Variants in NXPH1 observed in about 807,000 individuals in gnomAD.
NXPH1 encodes neurexophilin-1.
Under a neutral mutation model 23.7 loss-of-function variants are expected in NXPH1, and 5 were observed. The ratio of observed to expected loss-of-function variants is 0.21; its 90% CI spans 0.11 to 0.44. The LOEUF (loss-of-function observed/expected upper bound fraction) is 0.44, where lower values mean the gene tolerates loss of function less well. Among genes scored for constraint, NXPH1 ranks in the 20% least tolerant of loss-of-function variants. The probability of loss-of-function intolerance (pLI) is 0.99; values close to 1 mark genes in which losing one functional copy is unlikely to be tolerated. For synonymous variants in NXPH1, 144 were observed against 122.2 expected, an observed-to-expected ratio of 1.18 and a Z score of -1.18; for missense variants, 324 against 321.6, an observed-to-expected ratio of 1.01 and a Z score of -0.06.
chr7:8,562,390 T>C (rs1320430911), intron 2 of NXPH1, among the ~76,000 whole-genome samples: 2 of 151,740 alleles, frequency 1.3e-5, no homozygotes, highest in African/African-American at 2.4e-5. Flanking sequence ...AGAGATACCT[T>C]ACAAAAGAGA....
chr7:8,475,503 G>A (rs758431042), intron 2 of NXPH1, among the ~76,000 whole-genome samples: 5 of 152,044 alleles, frequency 3.3e-5, no homozygotes, highest in Non-Finnish European at 7.4e-5. Flanking sequence ...AACAACAATA[G>A]CCATGCTGAA....
At chr7:8,564,026 T>A (rs931772350) in intron 2 of NXPH1, among the ~76,000 whole-genome samples, 1 of 151,860 alleles carries the variant, frequency 6.6e-6, no homozygotes, top group Non-Finnish European at 1.5e-5. Flanking sequence ...AAAATGCCTC[T>A]CTCAGTTCCA....
At chr7:8,516,599 G>A (rs1357491303) in intron 2 of NXPH1, among the ~76,000 whole-genome samples, 2 of 152,066 alleles carry the variant, frequency 1.3e-5, no homozygotes, top group African/African-American at 4.8e-5. Flanking sequence ...TTTTGTCCTC[G>A]AGGAACATAC....
At chr7:8,735,425 G>A (rs193131156) in intron 2 of NXPH1, among the ~76,000 whole-genome samples, 1 of 152,268 alleles carries the variant, frequency 6.6e-6, no homozygotes, top group African/African-American at 2.4e-5. Flanking sequence ...TTATGTTTAT[G>A]TACTGTATTA....
chr7:8,504,909 G>C (rs1412977303), intron 2 of NXPH1, among the ~76,000 whole-genome samples: 2 of 151,958 alleles, frequency 1.3e-5, no homozygotes, highest in East Asian at 3.9e-4. Flanking sequence ...CCAACCTCTA[G>C]AACTGTGAAA....
chr7:8,531,493 T>A (rs767839298), intron 2 of NXPH1, among the ~76,000 whole-genome samples: 1 of 152,188 alleles, frequency 6.6e-6, no homozygotes, highest in South Asian at 2.1e-4. Context: ...GAGCACCCTA[T>A]GTAACTAGAA....
chr7:8,438,783 G>A (rs746671433), intron 2 of NXPH1, among the ~76,000 whole-genome samples: 2 of 152,336 alleles, frequency 1.3e-5, no homozygotes, highest in South Asian at 2.1e-4. Context: ...TGTTTGCAAA[G>A]TATGTTTCTG....
chr7:8,630,325 G>GTCTCAC (rs1412702658), intron 2 of NXPH1, among the ~76,000 whole-genome samples: 2 of 152,154 alleles, frequency 1.3e-5, no homozygotes, highest in African/African-American at 4.8e-5. Context: ...ACTGTACAGT[G>GTCTCAC]TTTTATAATG....
intron 2 of NXPH1, among the ~76,000 whole-genome samples, chr7:8,530,867 T>C (rs1817940034): frequency 6.6e-6 from 1 of 152,168 alleles, no homozygotes; most frequent in Admixed American, 6.5e-5. Context: ...TTAATACCAA[T>C]TTATTTGTCT....
At chr7:8,678,301 C>T (rs1287515594) in intron 2 of NXPH1, among the ~76,000 whole-genome samples, 1 of 152,152 alleles carries the variant, frequency 6.6e-6, no homozygotes, top group Non-Finnish European at 1.5e-5. Flanking sequence ...GGTGCTTGGT[C>T]TAATTGCCAT....
chr7:8,501,393 T>C (rs565790067), intron 2 of NXPH1, among the ~76,000 whole-genome samples: 143 of 152,140 alleles, frequency 9.4e-4, no homozygotes, highest in African/African-American at 3.3e-3. Flanking sequence ...ACAGTGATTT[T>C]CATACCCAGC....
rs28612416 is a variant in NXPH1, at chr7:8,563,001, T to A, written c.54+127234T>A. 2.6e-5 allele frequency among the ~76,000 whole-genome samples: 4 copies of A among 151,558 alleles called. No individual in the cohort carries two copies. The South Asian group carries it at 8.3e-4, about 31-fold the overall frequency. On this transcript the variant is annotated intron_variant, in intron 2 of 2. Coordinates refer to ENST00000405863, the MANE Select transcript of NXPH1 (RefSeq NM_152745.3). ...TTTTAGAAATGGCTCCAGTAGATAA[T>A]TAAGTTATGAATTCTAACCTATAAG...
intron 2 of NXPH1, among the ~76,000 whole-genome samples, chr7:8,564,008 G>C (rs950778055): frequency 2.0e-5 from 3 of 151,796 alleles, no homozygotes; most frequent in African/African-American, 7.2e-5. Context: ...TATATGCAAA[G>C]AACAGGCAAA....
At chr7:8,614,048 ATTTG>A (rs1056806537) in intron 2 of NXPH1, among the ~76,000 whole-genome samples, 1 of 151,732 alleles carries the variant, frequency 6.6e-6, no homozygotes, top group African/African-American at 2.4e-5. Flanking sequence ...ACTATTTCTG[ATTTG>A]TTTTACTTTA....
At chr7:8,491,428 G>A (rs898884654) in intron 2 of NXPH1, among the ~76,000 whole-genome samples, 5 of 151,972 alleles carry the variant, frequency 3.3e-5, no homozygotes, top group African/African-American at 1.2e-4. Context: ...AAGAAATGAA[G>A]GAAATCAAGA....
chr7:8,700,470 T>C (rs1205806767), intron 2 of NXPH1, among the ~76,000 whole-genome samples: 1 of 152,146 alleles, frequency 6.6e-6, no homozygotes, highest in Non-Finnish European at 1.5e-5. Flanking sequence ...ATAAGTTCTG[T>C]CATAAATGCT....
chr7:8,479,639 A>G (rs1817038197), intron 2 of NXPH1, among the ~76,000 whole-genome samples: 1 of 152,184 alleles, frequency 6.6e-6, no homozygotes, highest in Non-Finnish European at 1.5e-5. Context: ...CAGGACTTAG[A>G]GAAATGACTA....
In NXPH1 at chr7:8,726,854, A is replaced by T. The variant is rs1486203716; in HGVS notation, c.55-24154A>T. Reference sequence around the variant, plus strand: ...ATAGTCCTTTGGGTATATACCCAGTAATGGGATGGCTGGGTCAAATGGCGT... The same window carrying T: ...ATAGTCCTTTGGGTATATACCCAGTTATGGGATGGCTGGGTCAAATGGCGT... On this transcript the variant is annotated intron_variant, in intron 2 of 2. Transcript: ENST00000405863. 7.2e-5 allele frequency among the ~76,000 whole-genome samples: 11 copies of T among 151,926 alleles called. No homozygotes were observed. The East Asian group carries it at 2.1e-3, about 29-fold the overall frequency.
At chr7:8,540,915 C>T (rs550825118) in intron 2 of NXPH1, among the ~76,000 whole-genome samples, 3 of 151,844 alleles carry the variant, frequency 2.0e-5, no homozygotes, top group African/African-American at 7.2e-5. Context: ...AAAACCAAAG[C>T]CAGAATGAAT....
Sources: gnomAD v4.1 joint callset for allele counts (sites outside exome capture counted in the v4.1 genomes callset) on GRCh38, gnomAD v4.1.1 for gene constraint, MANE v1.5 for transcripts, NCBI Gene and HGNC (gene_info 2026-07-23, HGNC 2026-07-21) for gene names.